The following KCNQ1 variants were observed in gnomAD, a reference collection of about 807,000 sequenced individuals.
KCNQ1 encodes potassium voltage-gated channel subfamily Q member 1.
A neutral mutation model predicts 72.4 loss-of-function variants in KCNQ1; 49 were observed. The ratio of observed to expected loss-of-function variants is 0.68; its 90% CI spans 0.54 to 0.86. The LOEUF is 0.86. Among genes scored for constraint, KCNQ1 ranks in the 40% least tolerant of loss-of-function variants. The pLI, the probability that KCNQ1 is intolerant of heterozygous loss-of-function variation, is 0.00. For missense variants in KCNQ1, 790 were observed against 945.1 expected (o/e 0.84, Z 2.15); for synonymous variants, 450 against 412.6 (o/e 1.09, Z -1.10).
In KCNQ1 at chr11:2,723,524, C is replaced by T. The variant is rs1845707762; in HGVS notation, c.1515-45320C>T. Among the ~76,000 whole-genome samples the T allele has an allele frequency of 6.6e-6, 1 of 152,246 alleles. No individual in the cohort carries two copies. Among genetic ancestry groups the T allele is most frequent in the Admixed American group, 6.5e-5 (1 of 15,284 alleles). ...GCAGCCCCACACCTGGTCCGCTGTT[C>T]TGTCCTTACTGTAGCAGTGGGCCTG... On this transcript the variant is annotated intron_variant, in intron 11 of 15. Coordinates refer to ENST00000155840, the MANE Select transcript of KCNQ1 (RefSeq NM_000218.3). This position sits in a 1 kb window ranked among gnomAD's most constrained non-coding sequence, Gnocchi z 4.2.
chr11:2,847,733 C>T, intron 15 of KCNQ1, 34 bp from the exon 16 acceptor site: 2 of 1,558,396 alleles, frequency 1.3e-6, no homozygotes, highest in Non-Finnish European at 1.7e-6. Context: ...GTGCTTCCCA[C>T]CACTGACTCT....
chr11:2,461,910 C>T (rs767559183), intron 1 of KCNQ1: 8 of 421,336 alleles, frequency 1.9e-5, no homozygotes, highest in South Asian at 3.7e-5. Context: ...CATGCTGCTT[C>T]CAGCACCCAC....
chr11:2,807,044 C>T lies in KCNQ1; in HGVS notation c.1794+29007C>T, dbSNP rs937735868. 2.2e-4 allele frequency among the ~76,000 whole-genome samples: 33 copies of T among 152,170 alleles called. 1 individual carries two copies. The highest frequency in any genetic ancestry group is 7.2e-5 in the African/African-American group (3 of 41,446). On this transcript the variant is annotated intron_variant, in intron 15 of 15. Transcript: ENST00000155840. The stretch of plus-strand genomic sequence containing the variant: ...CGTGCAGGGAGGGTGCTGGGAGTCT[C>T]GGCTCTTTCGGAAGGCGCCAGTGTT...
In KCNQ1 at chr11:2,548,746, G is replaced by A. The variant is rs192772964; in HGVS notation, c.477+20728G>A. 2.1e-3 allele frequency among the ~76,000 whole-genome samples: 323 copies of A among 152,334 alleles called. 1 individual carries two copies. The highest frequency in any genetic ancestry group is 3.5e-3 in the Non-Finnish European group (236 of 68,024). ...TGTGTGTTTATGCGTGTGCACACAC[G>A]GTGTTGGGCTCTGGCGGTGGCCTGG... On this transcript the variant is annotated intron_variant, in intron 2 of 15. Transcript: ENST00000155840.
chr11:2,679,353 T>C lies in KCNQ1; in HGVS notation c.1514+17272T>C, dbSNP rs1451350914. On this transcript the variant is annotated intron_variant, in intron 11 of 15. Transcript: ENST00000155840. This position sits in a 1 kb window ranked among gnomAD's most constrained non-coding sequence, Gnocchi z 4.8. ...CCTAATTCCACTACTTTCTACCTGC[T>C]ACACCTTGAGTGAGTCACTTAGTCT... The C allele has an allele frequency of 2.5e-6, 1 of 398,668 alleles. No individual in the cohort carries two copies. Among genetic ancestry groups the C allele is most frequent in the Non-Finnish European group, 4.4e-6 (1 of 226,064 alleles). The allele number at this position is 398,668 out of a possible 1,614,324, so 24.7% of individuals were successfully genotyped here.
intron 6 of KCNQ1, among the ~76,000 whole-genome samples, chr11:2,574,447 G>C (rs1848389802): frequency 6.6e-6 from 1 of 152,132 alleles, no homozygotes; most frequent in Non-Finnish European, 1.5e-5. Context: ...CCAAGGCCTG[G>C]GGGCCGCACG....
intron 8 of KCNQ1, 56 bp downstream of exon 8, chr11:2,585,363 T>G (rs1848578610): frequency 6.7e-7 from 1 of 1,490,992 alleles, no homozygotes; most frequent in Non-Finnish European, 9.3e-7. Context: ...TATTGTTGCA[T>G]CCAGCCCTCA....
chr11:2,521,350 C>G, intron 1 of KCNQ1: 2 of 353,424 alleles, frequency 5.7e-6, no homozygotes, highest in Non-Finnish European at 1.2e-5. Flanking sequence ...TGGGCCTTTG[C>G]GCTTCTGTGA....
intron 10 of KCNQ1, chr11:2,609,459 A>G (rs1245336574): frequency 1.5e-5 from 6 of 398,286 alleles, no homozygotes; most frequent in African/African-American, 4.1e-5. Flanking sequence ...TTCTTGGAGA[A>G]TGTCTCATGT....
intron 15 of KCNQ1, among the ~76,000 whole-genome samples, chr11:2,823,459 C>G (rs1477060936): frequency 6.6e-6 from 1 of 152,134 alleles, no homozygotes. Flanking sequence ...AGAATGCACT[C>G]CAGCAAAACG....
rs894681650 is a variant in KCNQ1 at position 2,602,600 on chromosome 11, G to A, written c.1393+13746G>A. On this transcript the variant is annotated intron_variant, in intron 10 of 15. Transcript: ENST00000155840. This position sits in a 1 kb window ranked among gnomAD's most constrained non-coding sequence, Gnocchi z 4.8. ...CTTGCTGGCATTTGATGTTCACACT[G>A]TTTTTAATTTTCTCCATTCAGATAG... Among the ~76,000 whole-genome samples, 17 of 152,154 alleles carry A rather than the reference G, an allele frequency of 1.1e-4. No individual in the cohort carries two copies. Among genetic ancestry groups the A allele is most frequent in the African/African-American group, 3.9e-4 (16 of 41,432 alleles).
At position 2,492,151 on chromosome 11, in the gene KCNQ1, G is replaced by A. The variant is rs79875404; in HGVS notation, c.387-35777G>A. Among the ~76,000 whole-genome samples, 226 of 152,174 alleles carry A rather than the reference G, an allele frequency of 1.5e-3. No individual in the cohort carries two copies. Among genetic ancestry groups the A allele is most frequent in the African/African-American group, 5.2e-3 (214 of 41,550 alleles). ...ATGATGTGAAGGTACAAAACTCACTGGTAATACATACACAGAAATACAAAT... is the reference window on the plus strand; with the variant it reads ...ATGATGTGAAGGTACAAAACTCACTAGTAATACATACACAGAAATACAAAT... On this transcript the variant is annotated intron_variant, in intron 1 of 15. Coordinates refer to ENST00000155840, the MANE Select transcript of KCNQ1 (RefSeq NM_000218.3). The surrounding 1 kb of genome is among the most constrained non-coding windows in gnomAD (Gnocchi z 4.1).
rs1846456147 is a variant in KCNQ1, at chr11:2,471,510, T to C, written c.386+26026T>C. 6.6e-6 allele frequency among the ~76,000 whole-genome samples: 1 copy of C among 152,256 alleles called. No individual in the cohort carries two copies. The highest frequency in any genetic ancestry group is 2.4e-5 in the African/African-American group (1 of 41,472). On this transcript the variant is annotated intron_variant, in intron 1 of 15. Transcript: ENST00000155840. This position sits in a 1 kb window ranked among gnomAD's most constrained non-coding sequence, Gnocchi z 4.8. Reference sequence around the variant, plus strand: ...GTCCCCAGGACTTGGAGGATGCTGATGGCCCAGCTCTGGGTCCTAAGCATG... The same window carrying C: ...GTCCCCAGGACTTGGAGGATGCTGACGGCCCAGCTCTGGGTCCTAAGCATG...
At chr11:2,662,926 A>G (rs2133857674) in intron 11 of KCNQ1, 2 of 398,602 alleles carry the variant, frequency 5.0e-6, no homozygotes, top group East Asian at 7.1e-5. Context: ...GTCCTGAGCC[A>G]TGTGTGTCTT....
At chr11:2,730,945 GCCCCGGC>G (rs1845848740) in intron 11 of KCNQ1, among the ~76,000 whole-genome samples, 1 of 152,176 alleles carries the variant, frequency 6.6e-6, no homozygotes. Context: ...AGAAATGAGA[GCCCCGGC>G]CCAGCCTCCT....
intron 10 of KCNQ1, chr11:2,616,253 T>C: frequency 2.5e-6 from 1 of 397,878 alleles, no homozygotes; most frequent in Non-Finnish European, 4.4e-6. Context: ...TACTTTTGTT[T>C]ATGATTTTAG....
Position 2,571,479 on chromosome 11 carries a change from C to T in KCNQ1, c.683+76C>T, listed in dbSNP as rs553124631. The T allele has an allele frequency of 9.7e-5, 118 of 1,219,050 alleles. 2 individuals carry two copies. Among genetic ancestry groups the T allele is most frequent in the Admixed American group, 6.1e-4 (35 of 57,762 alleles). The allele number at this position is 1,219,050 out of a possible 1,614,324, so 75.5% of individuals were successfully genotyped here. Reference sequence around the variant, plus strand: ...CCCTCCTGAGCCGCGGGTGGTCTCACGCCCCATCCACCTTGCTCAGATGCA... The same window carrying T: ...CCCTCCTGAGCCGCGGGTGGTCTCATGCCCCATCCACCTTGCTCAGATGCA... On this transcript the variant is annotated intron_variant, in intron 4 of 15. Transcript: ENST00000155840.
chr11:2,847,942 A>G lies in KCNQ1; in HGVS notation c.1970A>G (p.Asn657Ser), dbSNP rs552087428. ...GACCCTGAGCTCTTCCTGCCCAGCA[A>G]CACCCTGCCCACCTACGAGCAGCTG... Reference protein sequence around the residue: ...SVDPELFLPSNTLPTYEQLTV... With the variant: ...SVDPELFLPSSTLPTYEQLTV... Residue 657 changes from asparagine (N) to serine (S), a missense_variant, in exon 16 of 16, where the codon AAC becomes AGC. By Grantham distance (46) the Asn-to-Ser change is conservative. Coordinates refer to ENST00000155840, the MANE Select transcript of KCNQ1 (RefSeq NM_000218.3). 5.8e-5 allele frequency: 91 copies of G among 1,573,664 alleles called. 1 individual carries two copies. The South Asian group carries it at 1.0e-3, about 18-fold the overall frequency.
In KCNQ1 at chr11:2,826,952, G is replaced by C. The variant is rs542359069; in HGVS notation, c.1795-20815G>C. On this transcript the variant is annotated intron_variant, in intron 15 of 15. Transcript: ENST00000155840. This position sits in a 1 kb window ranked among gnomAD's most constrained non-coding sequence, Gnocchi z 4.2. ...ATGAGCCGTGGAGTAGGTGGGGAAG[G>C]GGACATCTCCAAGGAGGTGACATCG... is the stretch of plus-strand genomic sequence containing the variant. Among the ~76,000 whole-genome samples, 2 of 152,328 alleles carry C rather than the reference G, an allele frequency of 1.3e-5. No individual in the cohort carries two copies. Among genetic ancestry groups the C allele is most frequent in the Admixed American group, 6.5e-5 (1 of 15,302 alleles).
Sources: allele counts gnomAD v4.1 joint callset (sites outside exome capture counted in the v4.1 genomes callset), GRCh38; gene constraint gnomAD v4.1.1; non-coding constraint Gnocchi (gnomAD v3.1); transcripts MANE v1.5; gene names NCBI Gene and HGNC (gene_info 2026-07-23, HGNC 2026-07-21).